Variants in MYO9A observed in about 807,000 individuals in gnomAD.
The protein encoded by MYO9A is unconventional myosin-IXa.
In MYO9A, 103 loss-of-function variants were observed where a neutral mutation model predicts 293.3. The ratio of observed to expected loss-of-function variants is 0.35; its 90% CI spans 0.30 to 0.41. The LOEUF (loss-of-function observed/expected upper bound fraction) is 0.41. Among genes scored for constraint, MYO9A ranks in the 10% least tolerant of loss-of-function variants. The pLI is 1.00. For missense variants in MYO9A, 2,685 were observed against 3,033.0 expected (o/e 0.89, Z 2.69); for synonymous variants, 1,001 against 1,035.7 (o/e 0.97, Z 0.64).
intron 25 of MYO9A, 147 bp downstream of exon 25, chr15:71,897,314 G>C: frequency 1.2e-6 from 1 of 826,026 alleles, no homozygotes. Flanking sequence ...GGTGATGGTA[G>C]AGTCAACAAT....
chr15:71,935,367 G>A lies in MYO9A; in HGVS notation c.2496C>T (p.Leu832=), dbSNP rs779190798. The A allele has an allele frequency of 2.2e-5, 35 of 1,613,440 alleles. No individual in the cohort carries two copies. The highest frequency in any genetic ancestry group is 2.5e-5 in the Non-Finnish European group (29 of 1,179,660). The part of the protein sequence containing the change: ...GIFANSTSSK[L]LERAHGILTR... ...TGAGAATTCCATGGGCTCTCTCCAG[G>A]AGTTTGCTGCTAGTTGAATTAGCAA... Residue 832 remains leucine (L), a synonymous_variant, in exon 17 of 42, where the codon CTC becomes CTT. Transcript: ENST00000356056.
At chr15:72,048,964 G>A (rs1252151000) in intron 1 of MYO9A, among the ~76,000 whole-genome samples, 2 of 151,872 alleles carry the variant, frequency 1.3e-5, no homozygotes, top group African/African-American at 2.4e-5. Flanking sequence ...TATACTTAAG[G>A]GCTATTACTC....
intron 1 of MYO9A, among the ~76,000 whole-genome samples, chr15:72,101,706 C>G (rs1401873005): frequency 1.3e-4 from 18 of 139,432 alleles, no homozygotes; most frequent in African/African-American, 4.0e-4. Flanking sequence ...GTCAGCCCCC[C>G]GCCCGGCCAG....
In MYO9A at chr15:72,021,022, G is replaced by C. The variant is rs752317823; in HGVS notation, c.999-5C>G. ...TAATAGAATACATGATAGTTCCTGT[G>C]GGAAACAAAGAAGTACAAGTTTCAT... On this transcript the variant is annotated splice_region_variant and splice_polypyrimidine_tract_variant and intron_variant, in intron 4 of 41. Transcript: ENST00000356056. The C allele has an allele frequency of 6.5e-7, 1 of 1,529,564 alleles. No homozygotes were observed. Among genetic ancestry groups the C allele is most frequent in the South Asian group, 1.3e-5 (1 of 76,608 alleles). 94.7% of individuals were successfully genotyped at this position (1,529,564 alleles called of 1,614,324 possible).
At chr15:72,052,248 C>A (rs2078588217) in intron 1 of MYO9A, among the ~76,000 whole-genome samples, 1 of 152,182 alleles carries the variant, frequency 6.6e-6, no homozygotes, top group African/African-American at 2.4e-5. Context: ...GAGCTACCCA[C>A]TCCACGGTCT....
chr15:71,980,678 A>T (rs781251591), intron 11 of MYO9A, among the ~76,000 whole-genome samples: 1 of 152,088 alleles, frequency 6.6e-6, no homozygotes, highest in Non-Finnish European at 1.5e-5. Context: ...CTACAAAAAT[A>T]AAGAAAAAAA....
chr15:72,068,027 T>C (rs1232598926), intron 1 of MYO9A, among the ~76,000 whole-genome samples: 2 of 152,200 alleles, frequency 1.3e-5, no homozygotes, highest in African/African-American at 2.4e-5. Flanking sequence ...TAAAAACTAT[T>C]AGTAATTATA....
At chr15:71,860,987 A>AAAAAAAAAAAAAAAAAAAAAAAC (rs2056097407) in intron 33 of MYO9A, among the ~76,000 whole-genome samples, 1 of 150,790 alleles carries the variant, frequency 6.6e-6, no homozygotes, top group East Asian at 1.9e-4. Flanking sequence ...AAAAAAAAAA[A>AAAAAAAAAAAAAAAAAAAAAAAC]AAAAAAATCA....
intron 11 of MYO9A, among the ~76,000 whole-genome samples, chr15:71,984,392 T>C (rs972066165): frequency 1.3e-5 from 2 of 152,338 alleles, no homozygotes; most frequent in South Asian, 4.1e-4. Context: ...TTTAGTATAA[T>C]TTTCTAGGTA....
intron 35 of MYO9A, among the ~76,000 whole-genome samples, chr15:71,854,089 G>GT (rs2055767496): frequency 1.3e-5 from 2 of 152,128 alleles, no homozygotes; most frequent in South Asian, 4.1e-4. Context: ...CTATACCTTA[G>GT]TTTTTCTCTT....
intron 12 of MYO9A, among the ~76,000 whole-genome samples, chr15:71,971,435 A>C (rs935550493): frequency 3.3e-5 from 5 of 151,860 alleles, no homozygotes; most frequent in African/African-American, 4.8e-5. Context: ...CAACATTTTA[A>C]AATTAGCCAG....
At chr15:71,840,086 T>C (rs2055090110) in intron 39 of MYO9A, among the ~76,000 whole-genome samples, 1 of 152,218 alleles carries the variant, frequency 6.6e-6, no homozygotes, top group Admixed American at 6.5e-5. Flanking sequence ...GATTGATAAA[T>C]CGCATCTGGA....
At chr15:71,935,295 A>G in intron 17 of MYO9A, 46 bp downstream of exon 17, 1 of 1,514,246 alleles carries the variant, frequency 6.6e-7, no homozygotes, top group Non-Finnish European at 8.9e-7. Flanking sequence ...AAACCAGACA[A>G]AAAACAAAAA....
chr15:72,117,545 G>A, intron 1 of MYO9A, 135 bp downstream of exon 1: 2 of 358,504 alleles, frequency 5.6e-6, no homozygotes, highest in Non-Finnish European at 5.0e-6. Flanking sequence ...TGGTGTTTGG[G>A]AGGCTCGGCG....
At chr15:72,088,135 C>T (rs1012564496) in intron 1 of MYO9A, among the ~76,000 whole-genome samples, 2 of 152,196 alleles carry the variant, frequency 1.3e-5, no homozygotes, top group African/African-American at 4.8e-5. Flanking sequence ...TGATCTTGGA[C>T]TTCTAGTCAC....
At chr15:71,913,699 C>T (rs1033177615) in intron 19 of MYO9A, among the ~76,000 whole-genome samples, 1 of 151,964 alleles carries the variant, frequency 6.6e-6, no homozygotes, top group African/African-American at 2.4e-5. Flanking sequence ...TGTTGTATTC[C>T]TTTAAAGAGT....
At chr15:71,998,241 T>G (rs1249846083) in intron 9 of MYO9A, among the ~76,000 whole-genome samples, 1 of 152,122 alleles carries the variant, frequency 6.6e-6, no homozygotes, top group Non-Finnish European at 1.5e-5. Flanking sequence ...ACACAGCATG[T>G]TCTCACTTCT....
At chr15:71,959,753 A>T in intron 14 of MYO9A, 148 bp downstream of exon 14, 1 of 665,304 alleles carries the variant, frequency 1.5e-6, no homozygotes, top group Non-Finnish European at 2.5e-6. Flanking sequence ...CAAATCAGTT[A>T]AGAGATGACA....
At chr15:72,019,634 C>T (rs2077442334) in intron 5 of MYO9A, among the ~76,000 whole-genome samples, 1 of 152,090 alleles carries the variant, frequency 6.6e-6, no homozygotes, top group Admixed American at 6.6e-5. Context: ...ACTTGGAATT[C>T]TCAATATATT....
Sources: gnomAD v4.1 joint callset for allele counts (sites outside exome capture counted in the v4.1 genomes callset) on GRCh38, gnomAD v4.1.1 for gene constraint, MANE v1.5 for transcripts, NCBI Gene and HGNC (gene_info 2026-07-23, HGNC 2026-07-21) for gene names.